The following DOCK5 variants were observed in gnomAD, a reference collection of about 807,000 sequenced individuals.
The protein encoded by DOCK5 is dedicator of cytokinesis 5.
Under a neutral mutation model 251.8 loss-of-function variants are expected in DOCK5, and 142 were observed. The observed-to-expected ratio is 0.56, with a 90% CI of 0.49 to 0.65. The LOEUF is 0.65. Among genes scored for constraint, DOCK5 ranks in the 30% least tolerant of loss-of-function variants. The pLI, the probability that DOCK5 is intolerant of heterozygous loss-of-function variation, is 0.00. For synonymous variants in DOCK5, 842 were observed against 835.5 expected (o/e 1.01, Z -0.13); for missense variants, 2,111 against 2,312.3 (o/e 0.91, Z 1.79).
intron 5 of DOCK5, among the ~76,000 whole-genome samples, chr8:25,288,962 G>GTT: frequency 6.6e-6 from 1 of 152,262 alleles, no homozygotes; most frequent in East Asian, 1.9e-4. Flanking sequence ...TGCCTTCTGT[G>GTT]TTTTTTTAAG....
chr8:25,215,429 A>G (rs1048710422), intron 1 of DOCK5, among the ~76,000 whole-genome samples: 1 of 152,116 alleles, frequency 6.6e-6, no homozygotes, highest in African/African-American at 2.4e-5. Context: ...CTTCAAGTGC[A>G]GGAAGTGTTT....
intron 27 of DOCK5, among the ~76,000 whole-genome samples, chr8:25,353,402 G>A (rs930654206): frequency 2.6e-5 from 4 of 152,136 alleles, no homozygotes; most frequent in African/African-American, 9.6e-5. Flanking sequence ...ATTATAAAAG[G>A]ATTTAGATCT....
chr8:25,304,646 A>G (rs938663414), intron 11 of DOCK5: 4 of 242,902 alleles, frequency 1.6e-5, no homozygotes, highest in East Asian at 1.7e-4. Flanking sequence ...TGTGCAGTCT[A>G]TTGCATGAAA....
At chr8:25,265,320 G>T (rs112766025) in intron 2 of DOCK5, among the ~76,000 whole-genome samples, 1 of 150,646 alleles carries the variant, frequency 6.6e-6, no homozygotes, top group South Asian at 2.1e-4. Context: ...AACTACCTTC[G>T]TATTGCCTCT....
intron 28 of DOCK5, among the ~76,000 whole-genome samples, chr8:25,360,166 C>A (rs1209655050): frequency 2.0e-5 from 3 of 152,250 alleles, no homozygotes; most frequent in African/African-American, 7.2e-5. Flanking sequence ...CATGGATTCG[C>A]AGCTCCTTCC....
intron 1 of DOCK5, among the ~76,000 whole-genome samples, chr8:25,230,703 T>G (rs1292646413): frequency 5.9e-5 from 9 of 151,612 alleles, no homozygotes; most frequent in African/African-American, 2.2e-4. Context: ...ATACAAAAAT[T>G]TGCCAGGTGT....
At chr8:25,287,955 G>A (rs1025003886) in intron 5 of DOCK5, among the ~76,000 whole-genome samples, 2 of 147,780 alleles carry the variant, frequency 1.4e-5, no homozygotes, top group African/African-American at 5.0e-5. Context: ...GTGTGATCTC[G>A]GCTTGCAGCA....
At chr8:25,374,771 T>G in intron 37 of DOCK5, 117 bp downstream of exon 37, 1 of 1,593,190 alleles carries the variant, frequency 6.3e-7, no homozygotes, top group Non-Finnish European at 8.5e-7. Flanking sequence ...TATCCTTTTA[T>G]ACAAGTTTTT....
intron 8 of DOCK5, among the ~76,000 whole-genome samples, chr8:25,299,836 T>C (rs1474604092): frequency 6.6e-6 from 1 of 152,140 alleles, no homozygotes; most frequent in Admixed American, 6.5e-5. Context: ...TTAAAAGTAA[T>C]TGCTGACAAT....
At chr8:25,352,219 A>G (rs1800482115) in intron 27 of DOCK5, among the ~76,000 whole-genome samples, 1 of 147,524 alleles carries the variant, frequency 6.8e-6, no homozygotes, top group Admixed American at 6.8e-5. Flanking sequence ...CCTTTGAAAA[A>G]GAAAAAAAAA....
chr8:25,400,744 A>G (rs1427602604), intron 46 of DOCK5, among the ~76,000 whole-genome samples, 185 bp from the exon 47 acceptor site: 2 of 151,970 alleles, frequency 1.3e-5, no homozygotes, highest in Non-Finnish European at 2.9e-5. Context: ...TGGTGTGCAC[A>G]TTTTCCCACA....
At chr8:25,239,849 T>C (rs920043906) in intron 1 of DOCK5, among the ~76,000 whole-genome samples, 2 of 152,190 alleles carry the variant, frequency 1.3e-5, no homozygotes, top group African/African-American at 4.8e-5. Flanking sequence ...ACATACTTTG[T>C]CCAGGCTTCT....
chr8:25,185,249 C>G (rs1400132419), intron 1 of DOCK5, among the ~76,000 whole-genome samples: 1 of 152,140 alleles, frequency 6.6e-6, no homozygotes, highest in Non-Finnish European at 1.5e-5. Context: ...GCGAGGGGGG[C>G]GCGCCTGCTG....
chr8:25,317,864 G>A (rs1805300573), intron 14 of DOCK5, among the ~76,000 whole-genome samples: 1 of 152,066 alleles, frequency 6.6e-6, no homozygotes, highest in African/African-American at 2.4e-5. Context: ...ACCTACCTTG[G>A]CCTCCCAGAG....
intron 6 of DOCK5, among the ~76,000 whole-genome samples, chr8:25,296,095 C>G (rs1481288224): frequency 1.3e-5 from 2 of 152,178 alleles, no homozygotes; most frequent in African/African-American, 4.8e-5. Context: ...GCTAGGATTA[C>G]AGACGTGAAC....
intron 21 of DOCK5, among the ~76,000 whole-genome samples, chr8:25,334,821 G>A (rs1428090520): frequency 6.6e-6 from 1 of 152,048 alleles, no homozygotes; most frequent in African/African-American, 2.4e-5. Flanking sequence ...ATCAAACCAT[G>A]AATTAAACAA....
In DOCK5 at chr8:25,415,400, G is replaced by A. The variant is rs577138115; in HGVS notation, c.*4102G>A. On this transcript the variant is annotated 3_prime_UTR_variant, in exon 52 of 52. Transcript: ENST00000276440. ...TGGCTTTTACAATTAAATTGGAAAA[G>A]GTAAGTTTCTCTTTGGTGGGTTGAG... 3 of 152,124 alleles carry A rather than the reference G, an allele frequency of 2.0e-5. No individual in the cohort carries two copies. The highest frequency in any genetic ancestry group is 7.2e-5 in the African/African-American group (3 of 41,420). The allele number at this position is 152,124 out of a possible 1,614,324, so 9.4% of individuals were successfully genotyped here. A position where few individuals can be genotyped will look rare whatever the true frequency, so the allele number is the denominator to read the frequency against.
intron 1 of DOCK5, among the ~76,000 whole-genome samples, chr8:25,225,809 G>A (rs1240873646): frequency 6.6e-6 from 1 of 152,268 alleles, no homozygotes; most frequent in East Asian, 1.9e-4. Flanking sequence ...GCACTGTGTG[G>A]TTCTACTTAT....
Position 25,399,964 on chromosome 8 carries a change from T to C in DOCK5, c.4758T>C (p.Val1586=), listed in dbSNP as rs772355942. 1 of 1,613,172 alleles carries C rather than the reference T, an allele frequency of 6.2e-7. No individual in the cohort carries two copies. Among genetic ancestry groups the C allele is most frequent in the South Asian group, 1.1e-5 (1 of 90,980 alleles). Residue 1586 remains valine (V), a synonymous_variant, in exon 46 of 52, where the codon GTT becomes GTC. Coordinates refer to ENST00000276440, the MANE Select transcript of DOCK5 (RefSeq NM_024940.8). ...AGCATCCTGAAGACCAGGAGAAGGT[T>C]GAGCTGCTAAAGCGACTAATAGCAT... ...LQEHPEDQEK[V]ELLKRLIALQ...
Sources: gnomAD v4.1 joint callset for allele counts (sites outside exome capture counted in the v4.1 genomes callset) on GRCh38, gnomAD v4.1.1 for gene constraint, MANE v1.5 for transcripts, NCBI Gene and HGNC (gene_info 2026-07-23, HGNC 2026-07-21) for gene names.